FBXO10: variants seen among roughly 807,000 people sequenced by gnomAD.
The protein encoded by FBXO10 is F-box only protein 10.
Under a neutral mutation model 80.7 loss-of-function variants are expected in FBXO10, and 39 were observed. The ratio of observed to expected loss-of-function variants is 0.48; its 90% CI spans 0.37 to 0.63. The LOEUF (loss-of-function observed/expected upper bound fraction) is 0.63. Among genes scored for constraint, FBXO10 ranks in the 30% least tolerant of loss-of-function variants. The pLI is 0.00. For missense variants in FBXO10, 1,025 were observed against 1,269.0 expected (o/e 0.81, Z 2.92); for synonymous variants, 449 against 489.6 (o/e 0.92, Z 1.09).
At chr9:37,558,630 GT>G (rs1283596999) in intron 1 of FBXO10, among the ~76,000 whole-genome samples, 1 of 152,076 alleles carries the variant, frequency 6.6e-6, no homozygotes, top group Non-Finnish European at 1.5e-5. Context: ...TAATAACAGT[GT>G]TTTTAAGTAA....
chr9:37,538,341 A>C (rs1171943488), intron 2 of FBXO10, among the ~76,000 whole-genome samples: 1 of 152,198 alleles, frequency 6.6e-6, no homozygotes, highest in Non-Finnish European at 1.5e-5. Flanking sequence ...CACGTGGTGC[A>C]CAGCAAAATA....
intron 5 of FBXO10, among the ~76,000 whole-genome samples, chr9:37,528,421 T>C (rs971570862): frequency 6.6e-6 from 1 of 152,218 alleles, no homozygotes; most frequent in Non-Finnish European, 1.5e-5. Flanking sequence ...TGCTAACCCC[T>C]GAATCTGCTG....
intron 1 of FBXO10, among the ~76,000 whole-genome samples, chr9:37,573,408 T>C (rs1822809941): frequency 1.3e-5 from 2 of 152,134 alleles, no homozygotes; most frequent in Admixed American, 1.3e-4. Flanking sequence ...AAACAAGCTC[T>C]AACCTTGGAA....
intron 1 of FBXO10, among the ~76,000 whole-genome samples, chr9:37,552,056 C>A (rs1201038776): frequency 6.6e-6 from 1 of 152,198 alleles, no homozygotes; most frequent in East Asian, 1.9e-4. Context: ...ATTTCCAATA[C>A]CTTGTTCCTC....
rs1821903493 is a variant in FBXO10 at position 37,541,177 on chromosome 9, T to C, written c.585+7A>G. The C allele has an allele frequency of 6.3e-7, 1 of 1,584,498 alleles. No homozygotes were observed. Among genetic ancestry groups the C allele is most frequent in the Non-Finnish European group, 8.6e-7 (1 of 1,166,622 alleles). On this transcript the variant is annotated splice_region_variant and intron_variant, in intron 2 of 10. Transcript: ENST00000432825. ...TAGAAAGGCCGTCTATTGATGTGGA[T>C]ACCCACCTTATACATGATGGGTGAG...
At position 37,532,683 on chromosome 9, in the gene FBXO10, G is replaced by A. The variant is rs552022287; in HGVS notation, c.1420-625C>T. ...TTAACTAAAACCTGGACCAAAGCTT[G>A]GCCCTGTGCTCTATATTCAGAACCT... On this transcript the variant is annotated intron_variant, in intron 3 of 10. Coordinates refer to ENST00000432825, the MANE Select transcript of FBXO10 (RefSeq NM_012166.3). Among the ~76,000 whole-genome samples, 21 of 152,208 alleles carry A rather than the reference G, an allele frequency of 1.4e-4. No individual in the cohort carries two copies. In the South Asian group the frequency reaches 3.5e-3, roughly 26 times the overall value.
intron 1 of FBXO10, among the ~76,000 whole-genome samples, chr9:37,566,308 G>A (rs986543117): frequency 2.0e-5 from 3 of 151,938 alleles, no homozygotes; most frequent in African/African-American, 7.2e-5. Context: ...AAAAAAGTAA[G>A]ATTAGCCAGG....
rs554045364 is a variant in FBXO10 at position 37,535,361 on chromosome 9, T to A, written c.1419+1749A>T. On this transcript the variant is annotated intron_variant, in intron 3 of 10. Coordinates refer to ENST00000432825, the MANE Select transcript of FBXO10 (RefSeq NM_012166.3). Reference sequence around the variant, plus strand: ...GTGACACTTCTTTTTTTTTATTTTTTTTTTGGAGACGGAGTCTTGCTCTGT... The same window carrying A: ...GTGACACTTCTTTTTTTTTATTTTTATTTTGGAGACGGAGTCTTGCTCTGT... Among the ~76,000 whole-genome samples, 7 of 150,100 alleles carry A rather than the reference T, an allele frequency of 4.7e-5. No individual in the cohort carries two copies. The East Asian group carries it at 7.7e-4, about 17-fold the overall frequency.
chr9:37,529,049 T>C (rs1821548024), intron 5 of FBXO10, 75 bp downstream of exon 5: 2 of 1,583,222 alleles, frequency 1.3e-6, no homozygotes, highest in Middle Eastern at 1.7e-4. Flanking sequence ...GTTGTTTCCG[T>C]AAAGAGTGTT....
At position 37,556,533 on chromosome 9, in the gene FBXO10, ATTTTTTTTTTTT is replaced by A. The variant is rs60829486; in HGVS notation, c.-6-14771_-6-14760del. 3.1e-4 allele frequency among the ~76,000 whole-genome samples: 23 copies of A among 75,116 alleles called. 1 individual carries two copies. The highest frequency in any genetic ancestry group is 1.9e-3 in the Admixed American group (11 of 5,912). 49.3% of individuals were successfully genotyped at this position (75,116 alleles called of 152,430 possible). A position where few individuals can be genotyped will look rare whatever the true frequency, so the allele number is the denominator to read the frequency against. On this transcript the variant is annotated intron_variant, in intron 1 of 10. Transcript: ENST00000432825. ...TCAGTTGAGGATATTTTTGTTCTGG[ATTTTTTTTTTTT>A]TTTTTTTTTTTTTTTTGAGACAGAG...
rs550415330 is a variant in FBXO10 at position 37,512,712 on chromosome 9, C to T, written c.2706G>A (p.Thr902=). ...GTGCTGGTGGGTTCACCAGGCGCCA[C>T]GTATCAGACCTGGAGGTGCAAAACG... ...KFLVFKKKSD[T]WRLVNPPARP... Residue 902 remains threonine (T), a synonymous_variant, in exon 11 of 11, where the codon ACG becomes ACA. Transcript: ENST00000432825. The T allele has an allele frequency of 2.5e-6, 4 of 1,613,402 alleles. No homozygotes were observed. Among genetic ancestry groups the T allele is most frequent in the East Asian group, 2.2e-5 (1 of 44,880 alleles).
In FBXO10 at chr9:37,555,978, T is replaced by C. The variant is rs1218396042; in HGVS notation, c.-6-14204A>G. On this transcript the variant is annotated intron_variant, in intron 1 of 10. Transcript: ENST00000432825. Reference sequence around the variant, plus strand: ...TGGTTTTGACTTTTACATACTGTTCTATGATCCATCATGAATTAATTTTTG... The same window carrying C: ...TGGTTTTGACTTTTACATACTGTTCCATGATCCATCATGAATTAATTTTTG... Among the ~76,000 whole-genome samples the C allele has an allele frequency of 2.0e-5, 3 of 152,258 alleles. No homozygotes were observed. The East Asian group carries it at 5.8e-4, about 29-fold the overall frequency.
intron 1 of FBXO10, among the ~76,000 whole-genome samples, chr9:37,568,353 A>G (rs919783279): frequency 6.6e-6 from 1 of 151,738 alleles, no homozygotes; most frequent in Non-Finnish European, 1.5e-5. Context: ...GCCTGCCACC[A>G]CGCCTGACTA....
intron 3 of FBXO10, among the ~76,000 whole-genome samples, chr9:37,535,515 C>T (rs1189239426): frequency 3.3e-5 from 5 of 151,996 alleles, no homozygotes; most frequent in African/African-American, 7.3e-5. Flanking sequence ...CCATGCCTGG[C>T]TATTTTTTTT....
intron 10 of FBXO10, among the ~76,000 whole-genome samples, chr9:37,512,988 CT>C (rs1235627803): frequency 2.0e-5 from 3 of 152,238 alleles, no homozygotes; most frequent in Non-Finnish European, 2.9e-5. Context: ...AATTTTCCCG[CT>C]TTGAGACACT....
chr9:37,553,567 A>G (rs1563885064), intron 1 of FBXO10, among the ~76,000 whole-genome samples: 1 of 152,064 alleles, frequency 6.6e-6, no homozygotes, highest in African/African-American at 2.4e-5. Flanking sequence ...TCTTTAAAAA[A>G]TGTTCATTGA....
At chr9:37,574,807 A>AG in intron 1 of FBXO10, among the ~76,000 whole-genome samples, 1 of 152,228 alleles carries the variant, frequency 6.6e-6, no homozygotes, top group East Asian at 1.9e-4. Flanking sequence ...TAACATAGCT[A>AG]GCTCTGGAAA....
chr9:37,564,765 C>T (rs1822563647), intron 1 of FBXO10, among the ~76,000 whole-genome samples: 1 of 152,196 alleles, frequency 6.6e-6, no homozygotes, highest in Non-Finnish European at 1.5e-5. Flanking sequence ...TAGGAAGTAA[C>T]TAGCTTGCCT....
At chr9:37,532,759 G>A (rs183539806) in intron 3 of FBXO10, among the ~76,000 whole-genome samples, 1 of 152,320 alleles carries the variant, frequency 6.6e-6, no homozygotes, top group African/African-American at 2.4e-5. Flanking sequence ...AGGGGAAGAT[G>A]GGACTGAGTG....
Sources: gnomAD v4.1 joint callset for allele counts (sites outside exome capture counted in the v4.1 genomes callset) on GRCh38, gnomAD v4.1.1 for gene constraint, MANE v1.5 for transcripts, NCBI Gene and HGNC (gene_info 2026-07-23, HGNC 2026-07-21) for gene names.